PCNX1: variants seen among roughly 807,000 people sequenced by gnomAD.
The protein encoded by PCNX1 is pecanex 1.
In PCNX1, 78 loss-of-function variants were observed where a neutral mutation model predicts 242.2. The ratio of observed to expected loss-of-function variants is 0.32; its 90% CI spans 0.27 to 0.39. The LOEUF is 0.39. Ranked by LOEUF, PCNX1 falls within the 10% of genes least tolerant of loss-of-function variation. The pLI is 1.00. For missense variants in PCNX1, 2,581 were observed against 2,856.5 expected (o/e 0.90, Z 2.20); for synonymous variants, 1,024 against 1,032.9 (o/e 0.99, Z 0.17).
chr14:70,933,993 T>A (rs1316337710), intron 1 of PCNX1, among the ~76,000 whole-genome samples: 1 of 152,192 alleles, frequency 6.6e-6, no homozygotes, highest in Non-Finnish European at 1.5e-5. Context: ...ATAGTGAAAG[T>A]TATCAATCCA....
intron 30 of PCNX1, among the ~76,000 whole-genome samples, chr14:71,099,453 C>T (rs1408471948): frequency 1.3e-5 from 2 of 152,150 alleles, no homozygotes; most frequent in Non-Finnish European, 2.9e-5. Flanking sequence ...CCACCACGCC[C>T]GGCCTATTTT....
At chr14:70,970,944 G>A (rs949404078) in intron 5 of PCNX1, among the ~76,000 whole-genome samples, 4 of 152,176 alleles carry the variant, frequency 2.6e-5, no homozygotes, top group Admixed American at 6.5e-5. Context: ...CACTATAAAC[G>A]TTTGAAGTTG....
chr14:71,056,294 A>G (rs1352600897), intron 25 of PCNX1, among the ~76,000 whole-genome samples: 1 of 152,238 alleles, frequency 6.6e-6, no homozygotes, highest in Admixed American at 6.5e-5. Flanking sequence ...TAGTTATTTG[A>G]TACTAATGAC....
chr14:71,077,386 G>A (rs1402520173), intron 28 of PCNX1, among the ~76,000 whole-genome samples: 2 of 152,208 alleles, frequency 1.3e-5, no homozygotes, highest in Admixed American at 6.5e-5. Context: ...CTGCTATCAT[G>A]GAGCAGTGTG....
rs765239556 is a variant in PCNX1 at position 70,947,248 on chromosome 14, T to C, written c.362+125T>C. 22 of 690,768 alleles carry C rather than the reference T, an allele frequency of 3.2e-5. No individual in the cohort carries two copies. The South Asian group carries it at 4.0e-4, about 13-fold the overall frequency. The allele number at this position is 690,768 out of a possible 1,614,324, so 42.8% of individuals were successfully genotyped here. A position where few individuals can be genotyped will look rare whatever the true frequency, so the allele number is the denominator to read the frequency against. On this transcript the variant is annotated intron_variant, in intron 2 of 35. Coordinates refer to ENST00000304743, the MANE Select transcript of PCNX1 (RefSeq NM_014982.3). Reference sequence around the variant, plus strand: ...TTAAGGCAGTGTTAGATCTTACCACTGTAGATACAATGATGGGTACATATT... The same window carrying C: ...TTAAGGCAGTGTTAGATCTTACCACCGTAGATACAATGATGGGTACATATT...
At chr14:70,943,627 A>G (rs944186349) in intron 1 of PCNX1, among the ~76,000 whole-genome samples, 3 of 152,220 alleles carry the variant, frequency 2.0e-5, no homozygotes, top group Non-Finnish European at 4.4e-5. Flanking sequence ...TCTGGGGAGG[A>G]ATTCAAGAAA....
At position 71,036,107 on chromosome 14, in the gene PCNX1, G is replaced by T. The variant is rs117405927; in HGVS notation, c.3817G>T (p.Gly1273Cys). ...QSDLVVCIVI[G>C]VLYFAIHVST... Reference sequence around the variant, plus strand: ...TGACCTGGTAGTATGCATTGTAATTGGTGTGCTGTATTTTGCTATTCATGT... The same window carrying T: ...TGACCTGGTAGTATGCATTGTAATTTGTGTGCTGTATTTTGCTATTCATGT... The change falls in exon 19 of 36, where the codon GGT becomes TGT. Residue 1273 changes from glycine (G) to cysteine (C), a missense_variant. This residue lies in a region of PCNX1 where 432 missense variants were observed against 443.1 expected (regional missense o/e 0.97). Coordinates refer to ENST00000304743, the MANE Select transcript of PCNX1 (RefSeq NM_014982.3). 2,561 of 1,609,540 alleles carry T rather than the reference G, an allele frequency of 1.6e-3. 3 individuals are homozygous for T. Among genetic ancestry groups the T allele is most frequent in the Non-Finnish European group, 2.0e-3 (2,345 of 1,176,012 alleles).
intron 1 of PCNX1, among the ~76,000 whole-genome samples, chr14:70,920,189 C>T (rs1046023590): frequency 6.6e-6 from 1 of 152,130 alleles, no homozygotes; most frequent in African/African-American, 2.4e-5. Flanking sequence ...TTCCTGTATA[C>T]CCTTCACCCA....
At chr14:71,073,243 G>C (rs1233934444) in intron 26 of PCNX1, among the ~76,000 whole-genome samples, 1 of 152,154 alleles carries the variant, frequency 6.6e-6, no homozygotes, top group Non-Finnish European at 1.5e-5. Context: ...GGTTGCAGTG[G>C]GCTGAGATCA....
chr14:70,961,357 C>G (rs889543156), intron 2 of PCNX1, among the ~76,000 whole-genome samples: 1 of 152,104 alleles, frequency 6.6e-6, no homozygotes, highest in East Asian at 1.9e-4. Flanking sequence ...TCAGAAATAA[C>G]GCCGCATATC....
rs565312258 is a variant in PCNX1 at position 71,111,368 on chromosome 14, A to G, written c.*1433A>G. ...CTCCTCTGAGCATTTAGGAGCAGCC[A>G]TCTTTCTACCCCTTGTGAATAAATC... is the stretch of plus-strand genomic sequence containing the variant. On this transcript the variant is annotated 3_prime_UTR_variant, in exon 36 of 36. Transcript: ENST00000304743. The G allele has an allele frequency of 6.5e-6, 1 of 152,768 alleles. No individual in the cohort carries two copies. Among genetic ancestry groups the G allele is most frequent in the Admixed American group, 6.5e-5 (1 of 15,304 alleles). The allele number at this position is 152,768 out of a possible 1,614,324, so 9.5% of individuals were successfully genotyped here. A position where few individuals can be genotyped will look rare whatever the true frequency, so the allele number is the denominator to read the frequency against.
chr14:71,019,482 A>T (rs944648287), intron 12 of PCNX1, among the ~76,000 whole-genome samples: 1 of 152,210 alleles, frequency 6.6e-6, no homozygotes, highest in Non-Finnish European at 1.5e-5. Flanking sequence ...GCTCACTGCA[A>T]CCGTCGCCTC....
chr14:71,084,165 A>C (rs1201632456), intron 28 of PCNX1, among the ~76,000 whole-genome samples: 1 of 152,160 alleles, frequency 6.6e-6, no homozygotes, highest in Non-Finnish European at 1.5e-5. Flanking sequence ...TTGCCTGGGT[A>C]TCACCAGTGG....
At chr14:70,922,205 C>T (rs1283591005) in intron 1 of PCNX1, among the ~76,000 whole-genome samples, 1 of 151,974 alleles carries the variant, frequency 6.6e-6, no homozygotes, top group Non-Finnish European at 1.5e-5. Context: ...GCATTTCACC[C>T]TTAAGTTAAA....
chr14:71,106,520 T>C (rs528320465), intron 33 of PCNX1, among the ~76,000 whole-genome samples: 26 of 151,784 alleles, frequency 1.7e-4, no homozygotes, highest in African/African-American at 6.0e-4. Context: ...ACTCTTGATA[T>C]ATAATGCCAA....
chr14:71,084,785 C>T (rs1442848238), intron 28 of PCNX1, among the ~76,000 whole-genome samples: 4 of 152,290 alleles, frequency 2.6e-5, no homozygotes, highest in South Asian at 2.1e-4. Flanking sequence ...TGCTGGGCTC[C>T]GTAGGGGTGG....
Position 70,977,333 on chromosome 14 carries a change from T to A in PCNX1, c.996T>A (p.Asn332Lys). The A allele has an allele frequency of 6.2e-7, 1 of 1,614,186 alleles. No homozygotes were observed. Among genetic ancestry groups the A allele is most frequent in the African/African-American group, 1.3e-5 (1 of 75,040 alleles). ...GATCCAAAGAATCCTTGGTGGAAAA[T>A]TCTGGTTTATCTGGGGAATTTCAGC... ...LSGSKESLVE[N>K]SGLSGEFQLA... The change falls in exon 6 of 36, where the codon AAT (asparagine) becomes AAA (lysine). Residue 332 changes from asparagine to lysine, a missense_variant. Asn to Lys is a moderately conservative substitution (Grantham distance 94). Transcript: ENST00000304743.
At chr14:71,031,625 A>C in intron 16 of PCNX1, 1 of 616,576 alleles carries the variant, frequency 1.6e-6, no homozygotes, top group Non-Finnish European at 3.0e-6. Context: ...CCAGCTCTGC[A>C]GCTCAACAGC....
chr14:70,925,452 T>TC (rs1452484860), intron 1 of PCNX1, among the ~76,000 whole-genome samples: 3 of 152,034 alleles, frequency 2.0e-5, no homozygotes, highest in East Asian at 1.9e-4. Context: ...AATAGATTTT[T>TC]CCCCCCATTT....
Sources: gnomAD v4.1 joint callset for allele counts (sites outside exome capture counted in the v4.1 genomes callset) on GRCh38, gnomAD v4.1.1 for gene constraint, gnomAD v4.1.1 regional missense constraint, MANE v1.5 for transcripts, NCBI Gene and HGNC (gene_info 2026-07-23, HGNC 2026-07-21) for gene names.